RAD51B: variants seen among roughly 807,000 people sequenced by gnomAD.
RAD51B encodes the protein DNA repair protein RAD51 homolog 2.
In RAD51B, 38 loss-of-function variants were observed where a neutral mutation model predicts 42.2. The ratio of observed to expected loss-of-function variants is 0.90; its 90% CI spans 0.70 to 1.18. The LOEUF (loss-of-function observed/expected upper bound fraction) is 1.18. Among genes scored for constraint, RAD51B ranks in the 50% most tolerant of loss-of-function variants. RAD51B has a pLI of 0.00. For synonymous variants in RAD51B, 154 were observed against 145.2 expected, an observed-to-expected ratio of 1.06 and a Z score of -0.43; for missense variants, 373 against 400.7, an observed-to-expected ratio of 0.93 and a Z score of 0.59.
intron 11 of RAD51B, among the ~76,000 whole-genome samples, chr14:68,674,189 T>TG (rs34075984): frequency 0.73 from 111,529 of 152,080 alleles, 41,999 homozygotes; most frequent in African/African-American, 0.9. Context: ...CACATATACA[T>TG]CACATACACA....
chr14:68,419,836 C>T (rs1227480664), intron 9 of RAD51B, among the ~76,000 whole-genome samples: 2 of 152,202 alleles, frequency 1.3e-5, no homozygotes, highest in African/African-American at 4.8e-5. Flanking sequence ...AGGCTGAGGG[C>T]AGGCAGCAGC....
chr14:68,253,961 C>G (rs2080697909), intron 7 of RAD51B, among the ~76,000 whole-genome samples: 1 of 152,140 alleles, frequency 6.6e-6, no homozygotes, highest in Non-Finnish European at 1.5e-5. Flanking sequence ...TCTAGTTTTT[C>G]AAATAGTTTT....
intron 7 of RAD51B, among the ~76,000 whole-genome samples, chr14:68,172,031 T>A (rs1225514394): frequency 1.3e-5 from 2 of 152,250 alleles, no homozygotes; most frequent in African/African-American, 4.8e-5. Flanking sequence ...TATTTTAGGC[T>A]GATGAAAATA....
chr14:68,406,610 G>A (rs1015677931), intron 8 of RAD51B, among the ~76,000 whole-genome samples: 3 of 152,128 alleles, frequency 2.0e-5, no homozygotes, highest in Admixed American at 6.5e-5. Flanking sequence ...GTACACTACT[G>A]TAGACTTCAT....
intron 10 of RAD51B, among the ~76,000 whole-genome samples, chr14:68,572,038 T>C (rs1350041378): frequency 6.6e-6 from 1 of 152,162 alleles, no homozygotes; most frequent in Non-Finnish European, 1.5e-5. Context: ...TCTGGGGAAA[T>C]TTGTTAGCTC....
intron 10 of RAD51B, chr14:68,540,665 C>T (rs1341341415): frequency 1.0e-6 from 1 of 985,224 alleles, no homozygotes; most frequent in Admixed American, 6.2e-5. Context: ...GAGAAACACA[C>T]AAGGGGACCC....
intron 10 of RAD51B, among the ~76,000 whole-genome samples, chr14:68,623,482 G>A (rs574579160): frequency 1.3e-5 from 2 of 152,166 alleles, no homozygotes; most frequent in African/African-American, 4.8e-5. Context: ...ACTGCAAAAG[G>A]CCAACATGCA....
chr14:68,063,661 A>C (rs556434725), intron 7 of RAD51B, among the ~76,000 whole-genome samples: 2 of 152,262 alleles, frequency 1.3e-5, no homozygotes, highest in South Asian at 2.1e-4. Flanking sequence ...ACTTGAACCC[A>C]GGAGGCGGAG....
intron 10 of RAD51B, chr14:68,496,975 C>T (rs1884572869): frequency 2.9e-6 from 2 of 689,226 alleles, no homozygotes; most frequent in African/African-American, 1.9e-5. Context: ...CTCAACTCTT[C>T]AAATGAGGTT....
chr14:68,366,227 C>T (rs910238240), intron 8 of RAD51B, among the ~76,000 whole-genome samples: 3 of 152,140 alleles, frequency 2.0e-5, no homozygotes, highest in South Asian at 2.1e-4. Context: ...TTATTCTCAA[C>T]TAAAGTACTG....
At chr14:67,849,255 A>G (rs1365698424) in intron 4 of RAD51B, among the ~76,000 whole-genome samples, 1 of 152,078 alleles carries the variant, frequency 6.6e-6, no homozygotes, top group Non-Finnish European at 1.5e-5. Flanking sequence ...TGTTCATTTT[A>G]TAAAATTCTT....
intron 9 of RAD51B, among the ~76,000 whole-genome samples, chr14:68,464,044 A>G (rs1156540756): frequency 6.6e-6 from 1 of 152,228 alleles, no homozygotes; most frequent in African/African-American, 2.4e-5. Context: ...ATAATGAATC[A>G]TTGGTGCTCT....
intron 9 of RAD51B, among the ~76,000 whole-genome samples, chr14:68,435,111 G>A (rs1176581640): frequency 6.6e-6 from 1 of 152,104 alleles, no homozygotes; most frequent in East Asian, 1.9e-4. Context: ...TTTGAGGTGC[G>A]AATAATCCCA....
In RAD51B at chr14:68,092,902, A is replaced by G. The variant is rs555464285; in HGVS notation, c.757-198982A>G. On this transcript the variant is annotated intron_variant, in intron 7 of 10. Coordinates refer to ENST00000471583, the MANE Select transcript of RAD51B (RefSeq NM_133510.4). Reference sequence around the variant, plus strand: ...AATACCTAATTTCTTGAGAATTTTTAGCATGAAGGGTCGTTGAATTTTGTC... The same window carrying G: ...AATACCTAATTTCTTGAGAATTTTTGGCATGAAGGGTCGTTGAATTTTGTC... 9.2e-5 allele frequency among the ~76,000 whole-genome samples: 14 copies of G among 151,592 alleles called. No homozygotes were observed. In the East Asian group the frequency reaches 2.5e-3, roughly 27 times the overall value.
intron 8 of RAD51B, among the ~76,000 whole-genome samples, chr14:68,296,870 T>C (rs1393239041): frequency 6.6e-6 from 1 of 152,154 alleles, no homozygotes; most frequent in Non-Finnish European, 1.5e-5. Context: ...CGATAGACCA[T>C]AGCACATGAA....
intron 7 of RAD51B, among the ~76,000 whole-genome samples, chr14:68,011,491 T>C (rs1260961335): frequency 6.6e-6 from 1 of 152,056 alleles, no homozygotes; most frequent in Non-Finnish European, 1.5e-5. Context: ...GATTTGTCAT[T>C]AGTTTGGGCA....
At chr14:67,886,974 A>AT in intron 6 of RAD51B, 47 bp from the exon 7 acceptor site, 9 of 1,230,962 alleles carry the variant, frequency 7.3e-6, no homozygotes, top group Non-Finnish European at 1.0e-5. Context: ...TTATTTATTT[A>AT]TTTTATCTTA....
At chr14:68,613,667 G>C (rs559054084), downstream of RAD51B, among the ~76,000 whole-genome samples, 22 of 151,962 alleles carry the variant, frequency 1.4e-4, no homozygotes, top group East Asian at 3.9e-3. Flanking sequence ...TGTTAGCCAG[G>C]ATGGTCTCGA....
intron 7 of RAD51B, among the ~76,000 whole-genome samples, chr14:68,084,521 C>T (rs919615710): frequency 2.0e-5 from 3 of 152,196 alleles, no homozygotes; most frequent in African/African-American, 7.2e-5. Flanking sequence ...CTGCTGTGGA[C>T]ATACATGGTG....
Sources: gnomAD v4.1 joint callset for allele counts (sites outside exome capture counted in the v4.1 genomes callset) on GRCh38, gnomAD v4.1.1 for gene constraint, MANE v1.5 for transcripts, NCBI Gene and HGNC (gene_info 2026-07-23, HGNC 2026-07-21) for gene names.